The following TBC1D1 variants were observed in gnomAD, a reference collection of about 807,000 sequenced individuals.
TBC1D1 encodes the protein TBC1 domain family member 1, also known as TBC1 (tre-2/USP6, BUB2, cdc16) domain family, member 1.
TBC1D1 carries 89 observed loss-of-function variants against 125.6 expected under a neutral mutation model. That is an observed-to-expected ratio of 0.71 (90% CI 0.60 to 0.85). The LOEUF (loss-of-function observed/expected upper bound fraction) is 0.85. Among genes scored for constraint, TBC1D1 ranks in the 40% least tolerant of loss-of-function variants. TBC1D1 has a pLI of 0.00. For synonymous variants in TBC1D1, 565 were observed against 564.1 expected (o/e 1.00, Z -0.02); for missense variants, 1,377 against 1,469.2 (o/e 0.94, Z 1.03).
At chr4:37,943,096 G>T (rs984324774) in intron 2 of TBC1D1, among the ~76,000 whole-genome samples, 3 of 152,132 alleles carry the variant, frequency 2.0e-5, no homozygotes, top group Admixed American at 6.6e-5. Context: ...CACTTATGAA[G>T]CTTAGTTTGG....
At chr4:37,956,172 G>A (rs1016863062) in intron 2 of TBC1D1, among the ~76,000 whole-genome samples, 22 of 151,998 alleles carry the variant, frequency 1.4e-4, no homozygotes, top group Non-Finnish European at 2.2e-4. Flanking sequence ...AATGACAACC[G>A]GCTAATTTTT....
chr4:37,967,064 T>C (rs1355145222), intron 2 of TBC1D1, among the ~76,000 whole-genome samples: 2 of 152,368 alleles, frequency 1.3e-5, no homozygotes, highest in African/African-American at 4.8e-5. Context: ...CATTTTTTTT[T>C]CCAGGTGCTT....
At chr4:38,082,402 T>C (rs959185599) in intron 12 of TBC1D1, among the ~76,000 whole-genome samples, 2 of 152,148 alleles carry the variant, frequency 1.3e-5, no homozygotes, top group Admixed American at 1.3e-4. Context: ...AAATCAGTGT[T>C]ACAGAAATGG....
At chr4:37,906,727 A>G (rs1467694430) in intron 2 of TBC1D1, among the ~76,000 whole-genome samples, 1 of 152,244 alleles carries the variant, frequency 6.6e-6, no homozygotes, top group African/African-American at 2.4e-5. Flanking sequence ...AAAAATGGAA[A>G]TCCATGCATA....
In TBC1D1 at chr4:38,096,014, G is replaced by A. The variant is rs775330829; in HGVS notation, c.2322G>A (p.Trp774Ter). ...GTCTTAAAGAAGTAACTACAGTGTG[G>A]GAAAAGATGCTTAGCACTCCAGGAA... The change falls in exon 14 of 20, where the codon TGG (tryptophan) becomes TGA (stop). Residue 774 changes from tryptophan to a stop codon, truncating the protein, a stop_gained. Transcript: ENST00000261439. LOFTEE classifies it high-confidence loss of function. The A allele has an allele frequency of 3.7e-6, 6 of 1,613,956 alleles. No homozygotes were observed. The highest frequency in any genetic ancestry group is 5.1e-6 in the Non-Finnish European group (6 of 1,179,904).
chr4:37,929,521 C>T lies in TBC1D1; in HGVS notation c.417+27009C>T, dbSNP rs112576105. On this transcript the variant is annotated intron_variant, in intron 2 of 19. Transcript: ENST00000261439. Reference sequence around the variant, plus strand: ...CCCGTGCCCCCAGGTGATCCTGATGCAGGTGGTTGTAGGACCACACTTTAG... The same window carrying T: ...CCCGTGCCCCCAGGTGATCCTGATGTAGGTGGTTGTAGGACCACACTTTAG... 1.8e-3 allele frequency among the ~76,000 whole-genome samples: 271 copies of T among 152,336 alleles called. 2 individuals are homozygous for T. Among genetic ancestry groups the T allele is most frequent in the African/African-American group, 5.9e-3 (246 of 41,578 alleles).
intron 12 of TBC1D1, among the ~76,000 whole-genome samples, chr4:38,071,013 AT>A (rs894929953): frequency 2.0e-5 from 3 of 152,044 alleles, no homozygotes. Context: ...TTGTTTGGGG[AT>A]TTTTCCCCTT....
intron 11 of TBC1D1, among the ~76,000 whole-genome samples, chr4:38,051,293 T>A (rs1750494127): frequency 6.6e-6 from 1 of 152,246 alleles, no homozygotes; most frequent in Non-Finnish European, 1.5e-5. Context: ...CCCATTCTGC[T>A]TTCTTTCCCC....
intron 19 of TBC1D1, among the ~76,000 whole-genome samples, chr4:38,136,255 C>T (rs193197238): frequency 6.6e-6 from 1 of 152,184 alleles, no homozygotes; most frequent in Admixed American, 6.5e-5. Flanking sequence ...ATTTAACTAG[C>T]ATTAATTATG....
intron 2 of TBC1D1, among the ~76,000 whole-genome samples, chr4:37,970,594 T>A (rs186513830): frequency 6.6e-6 from 1 of 152,350 alleles, no homozygotes; most frequent in African/African-American, 2.4e-5. Flanking sequence ...CATCGAAGCT[T>A]CACCTGGACT....
chr4:38,053,241 G>GAT lies in TBC1D1; in HGVS notation c.1911-953_1911-952dup. 1 of 1,485,348 alleles carries GAT rather than the reference G, an allele frequency of 6.7e-7. No homozygotes were observed. Among genetic ancestry groups the GAT allele is most frequent in the Non-Finnish European group, 8.9e-7 (1 of 1,118,926 alleles). 92.0% of individuals were successfully genotyped at this position (1,485,348 alleles called of 1,614,324 possible). On this transcript the variant is annotated intron_variant, in intron 11 of 19. Transcript: ENST00000261439. The stretch of plus-strand genomic sequence containing the variant: ...ACACAAAAAGGTAGGGCTTAATTTA[G>GAT]ATATATCAAGCCTGGGTGTTACTAA...
chr4:38,064,311 GT>G (rs1412902591), intron 12 of TBC1D1, among the ~76,000 whole-genome samples: 1 of 152,186 alleles, frequency 6.6e-6, no homozygotes, highest in Non-Finnish European at 1.5e-5. Context: ...ATGTGTTTTT[GT>G]GTGTTGAATG....
intron 13 of TBC1D1, among the ~76,000 whole-genome samples, chr4:38,091,792 C>T (rs1342617500): frequency 6.6e-6 from 1 of 152,240 alleles, no homozygotes; most frequent in African/African-American, 2.4e-5. Context: ...CAAGAGTTTC[C>T]TAAGGTTACC....
chr4:37,956,345 T>C (rs923670569), intron 2 of TBC1D1, among the ~76,000 whole-genome samples: 3 of 152,104 alleles, frequency 2.0e-5, no homozygotes, highest in Admixed American at 2.0e-4. Flanking sequence ...CACTATGCCA[T>C]TTAAAAATTT....
intron 12 of TBC1D1, among the ~76,000 whole-genome samples, chr4:38,072,770 T>G (rs1038011948): frequency 3.9e-5 from 6 of 152,224 alleles, no homozygotes; most frequent in African/African-American, 1.4e-4. Context: ...AAACAACTCC[T>G]ATTCCCCCTC....
intron 15 of TBC1D1, among the ~76,000 whole-genome samples, chr4:38,112,811 C>T (rs570323234): frequency 3.9e-5 from 6 of 152,292 alleles, no homozygotes; most frequent in African/African-American, 1.2e-4. Context: ...GCCTGTCGAG[C>T]GGGTCCCCAC....
In TBC1D1 at chr4:38,049,908, G is replaced by A. The variant is rs1258915620; in HGVS notation, c.1910+10G>A. The A allele has an allele frequency of 6.2e-7, 1 of 1,601,840 alleles. No individual in the cohort carries two copies. Among genetic ancestry groups the A allele is most frequent in the African/African-American group, 1.3e-5 (1 of 74,348 alleles). ...CGCCTCATGAACGAAAGTAAGATTT[G>A]TTTAAATTTGTTGCATAAATAGCTG... is the stretch of plus-strand genomic sequence containing the variant. On this transcript the variant is annotated intron_variant, in intron 11 of 19. Coordinates refer to ENST00000261439, the MANE Select transcript of TBC1D1 (RefSeq NM_015173.4).
intron 11 of TBC1D1, among the ~76,000 whole-genome samples, chr4:38,053,528 C>G (rs572501827): frequency 6.6e-6 from 1 of 152,198 alleles, no homozygotes; most frequent in Non-Finnish European, 1.5e-5. Flanking sequence ...GATGTCTGAT[C>G]TGTTCAGGAC....
chr4:38,112,215 T>A, intron 15 of TBC1D1: 1 of 428,084 alleles, frequency 2.3e-6, no homozygotes, highest in Non-Finnish European at 3.1e-6. Context: ...GCTTGTGAGT[T>A]CCAAACTTTG....
Sources: gnomAD v4.1 joint callset for allele counts (sites outside exome capture counted in the v4.1 genomes callset) on GRCh38, gnomAD v4.1.1 for gene constraint, MANE v1.5 for transcripts, NCBI Gene and HGNC (gene_info 2026-07-23, HGNC 2026-07-21) for gene names.